NOD1: variants seen among roughly 807,000 people sequenced by gnomAD.
NOD1 encodes the protein nucleotide-binding oligomerization domain-containing protein 1.
In NOD1, 70 loss-of-function variants were observed where a neutral mutation model predicts 81.2. That is an observed-to-expected ratio of 0.86 (90% CI 0.71 to 1.05). The LOEUF is 1.05. Among genes scored for constraint, NOD1 ranks in the 50% least tolerant of loss-of-function variants. NOD1 has a pLI of 0.00. For missense variants in NOD1, 1,233 were observed against 1,228.0 expected, an observed-to-expected ratio of 1.00 and a Z score of -0.06; for synonymous variants, 508 against 526.9, an observed-to-expected ratio of 0.96 and a Z score of 0.49.
In NOD1 at chr7:30,424,801, C is replaced by G. The variant is rs1219483382; in HGVS notation, c.*837G>C. 2.6e-5 allele frequency: 4 copies of G among 152,438 alleles called. No individual in the cohort carries two copies. The South Asian group carries it at 6.2e-4, about 24-fold the overall frequency. The allele number at this position is 152,438 out of a possible 1,614,324, so 9.4% of individuals were successfully genotyped here. A position where few individuals can be genotyped will look rare whatever the true frequency, so the allele number is the denominator to read the frequency against. On this transcript the variant is annotated 3_prime_UTR_variant, in exon 14 of 14. Coordinates refer to ENST00000222823, the MANE Select transcript of NOD1 (RefSeq NM_006092.4). The stretch of plus-strand genomic sequence containing the variant: ...TGGATGCCAGGGCCACAGGGGCAAG[C>G]CATGCCCTATTTCTTTGGAGGGACA...
Position 30,456,758 on chromosome 7 carries a change from G to A in NOD1, c.164C>T (p.Ala55Val), listed in dbSNP as rs6947097. 1.2e-4 allele frequency: 193 copies of A among 1,614,120 alleles called. No homozygotes were observed. The highest frequency in any genetic ancestry group is 9.2e-4 in the African/African-American group (69 of 75,044). The part of the protein sequence containing the change: ...LKNDYFSAED[A>V]EIVCACPTQP... ...GGTGGGGCAGGCACACACAATCTCCGCATCTTCGGCCGAGAAGTAGTCATT... is the reference window on the plus strand; with the variant it reads ...GGTGGGGCAGGCACACACAATCTCCACATCTTCGGCCGAGAAGTAGTCATT... Residue 55 changes from alanine to valine, a missense_variant, in exon 4 of 14, where the codon GCG becomes GTG. Physicochemically the swap from Ala to Val is moderately conservative, Grantham distance 64 (BLOSUM62 0). Transcript: ENST00000222823.
chr7:30,448,359 CAG>C lies in NOD1; in HGVS notation c.2222_2223del (p.Thr741ArgfsTer41). The C allele has an allele frequency of 6.2e-7, 1 of 1,614,190 alleles. No individual in the cohort carries two copies. Among genetic ancestry groups the C allele is most frequent in the Non-Finnish European group, 8.5e-7 (1 of 1,180,016 alleles). On this transcript the variant is annotated frameshift_variant, in exon 7 of 14. Coordinates refer to ENST00000222823, the MANE Select transcript of NOD1 (RefSeq NM_006092.4). LOFTEE classifies it high-confidence loss of function. Reference sequence around the variant, plus strand: ...TCGCTTAGCACCTTTACCCCACCGTCAGTGATCTGGTTTACGCTGAGTCTGAA... The same window carrying C: ...TCGCTTAGCACCTTTACCCCACCGTCTGATCTGGTTTACGCTGAGTCTGAA... ...TVLRLSVNQI[T>X]DGGVKVLSEE...
At chr7:30,437,811 A>G (rs1784513413) in intron 9 of NOD1, among the ~76,000 whole-genome samples, 155 bp from the exon 10 acceptor site, 1 of 152,154 alleles carries the variant, frequency 6.6e-6, no homozygotes, top group Admixed American at 6.5e-5. Flanking sequence ...AATTCCTCAC[A>G]CTGGTCTCTG....
intron 1 of NOD1, among the ~76,000 whole-genome samples, chr7:30,470,302 G>A (rs899896400): frequency 6.6e-6 from 1 of 152,214 alleles, no homozygotes; most frequent in African/African-American, 2.4e-5. Context: ...AGCACCGGCC[G>A]TGACCTACAA....
At position 30,439,415 on chromosome 7, in the gene NOD1, G is replaced by T. The variant is rs930840437; in HGVS notation, c.2454-1759C>A. On this transcript the variant is annotated intron_variant, in intron 9 of 13. Coordinates refer to ENST00000222823, the MANE Select transcript of NOD1 (RefSeq NM_006092.4). ...TGTGTGCGCGCACCGTGCGCGAGCC[G>T]AAGCAGGGCGAGGCATTGCCTCACC... Among the ~76,000 whole-genome samples, 16 of 141,056 alleles carry T rather than the reference G, an allele frequency of 1.1e-4. 2 individuals are homozygous for T. Among genetic ancestry groups the T allele is most frequent in the Non-Finnish European group, 1.6e-4 (11 of 66,928 alleles). The allele number at this position is 141,056 out of a possible 152,430, so 92.5% of individuals were successfully genotyped here. A position where few individuals can be genotyped will look rare whatever the true frequency, so the allele number is the denominator to read the frequency against.
chr7:30,448,156 A>G, intron 7 of NOD1, 142 bp downstream of exon 7: 1 of 687,014 alleles, frequency 1.5e-6, no homozygotes, highest in Non-Finnish European at 2.6e-6. Flanking sequence ...AAGAGAACCC[A>G]GGACTCTCAA....
chr7:30,477,119 C>A (rs983355366), intron 1 of NOD1, among the ~76,000 whole-genome samples: 104 of 152,336 alleles, frequency 6.8e-4, no homozygotes, highest in African/African-American at 2.5e-3. Flanking sequence ...ATAGAAGTGA[C>A]AGAATCCGAG....
chr7:30,435,994 T>C lies in NOD1; in HGVS notation c.2621+4A>G, dbSNP rs1490172544. ...CAAACAAATGAAATGACTCGAGCTA[T>C]TACCACAGTATTTCTAGAGACGTGT... On this transcript the variant is annotated splice_donor_region_variant and intron_variant, in intron 11 of 13. Coordinates refer to ENST00000222823, the MANE Select transcript of NOD1 (RefSeq NM_006092.4). 1.9e-6 allele frequency: 3 copies of C among 1,610,292 alleles called. No homozygotes were observed. The South Asian group carries it at 3.3e-5, about 18-fold the overall frequency.
intron 6 of NOD1, 107 bp from the exon 7 acceptor site, chr7:30,448,488 G>A (rs1785350660): frequency 2.2e-6 from 2 of 929,920 alleles, no homozygotes; most frequent in Non-Finnish European, 3.5e-6. Flanking sequence ...GTTTTCTCAG[G>A]TATAGACGCC....
At chr7:30,437,446 C>G in intron 10 of NOD1, 127 bp downstream of exon 10, 1 of 537,850 alleles carries the variant, frequency 1.9e-6, no homozygotes, top group Non-Finnish European at 3.1e-6. Context: ...AAAGGTTTGA[C>G]AAGAGTAAGG....
rs1785716169 is a variant in NOD1 at position 30,451,597 on chromosome 7, A to G, written c.1820T>C (p.Leu607Pro). ...TCTCCTCAGGGCTGCCGCGGGCACCAGATGCCGCAGGAGTTTCTGTTTGGC... is the reference window on the plus strand; with the variant it reads ...TCTCCTCAGGGCTGCCGCGGGCACCGGATGCCGCAGGAGTTTCTGTTTGGC... Reference protein sequence around the residue: ...SKAKQKLLRHLVPAAALRRKR... With the variant: ...SKAKQKLLRHPVPAAALRRKR... Residue 607 changes from leucine (L) to proline (P), a missense_variant, in exon 6 of 14, where the codon CTG becomes CCG. Leu to Pro is a moderately conservative substitution (Grantham distance 98). Coordinates refer to ENST00000222823, the MANE Select transcript of NOD1 (RefSeq NM_006092.4). This position sits in a 1 kb window ranked among gnomAD's most constrained non-coding sequence, Gnocchi z 4.2. The G allele has an allele frequency of 6.2e-7, 1 of 1,613,820 alleles. No homozygotes were observed. The highest frequency in any genetic ancestry group is 1.3e-5 in the African/African-American group (1 of 75,072).
At chr7:30,428,600 C>T (rs5743368) in intron 13 of NOD1, 35,431 of 152,028 alleles carry the variant, frequency 0.23, 5,638 homozygotes, top group African/African-American at 0.46. Context: ...TGACAAGTTC[C>T]AAACAAGTTC....
Position 30,451,186 on chromosome 7 carries a change from C to T in NOD1, c.2201+30G>A, listed in dbSNP as rs746534248. The T allele has an allele frequency of 6.2e-7, 1 of 1,601,644 alleles. No homozygotes were observed. Among genetic ancestry groups the T allele is most frequent in the Non-Finnish European group, 8.5e-7 (1 of 1,172,672 alleles). ...CTCCGAGCCTGGCCCGCCCGGCCCA[C>T]CTGTTGCTCCCCTTGCCTGGCAGCC... On this transcript the variant is annotated intron_variant, in intron 6 of 13. Transcript: ENST00000222823. The surrounding 1 kb of genome is among the most constrained non-coding windows in gnomAD (Gnocchi z 4.2).
chr7:30,438,417 C>T (rs1784572580), intron 9 of NOD1, among the ~76,000 whole-genome samples: 3 of 152,310 alleles, frequency 2.0e-5, no homozygotes, highest in East Asian at 1.9e-4. Flanking sequence ...TAGAGCATTC[C>T]GTCATGGAGT....
At chr7:30,461,575 G>A (rs937381864) in intron 1 of NOD1, among the ~76,000 whole-genome samples, 1 of 152,216 alleles carries the variant, frequency 6.6e-6, no homozygotes, top group African/African-American at 2.4e-5. Flanking sequence ...ATCTCAGTTT[G>A]GATCAACCAC....
At chr7:30,446,488 T>G (rs923964157) in intron 8 of NOD1, 31 of 501,878 alleles carry the variant, frequency 6.2e-5, no homozygotes, top group African/African-American at 4.8e-4. Context: ...GGTCCTCTAA[T>G]TGACCTCAGC....
intron 10 of NOD1, among the ~76,000 whole-genome samples, chr7:30,436,660 A>T (rs1784406890): frequency 6.6e-6 from 1 of 152,212 alleles, no homozygotes; most frequent in Non-Finnish European, 1.5e-5. Context: ...CCAGCATCTT[A>T]TTAAGTTTCA....
At chr7:30,437,534 G>A in intron 10 of NOD1, 39 bp downstream of exon 10, 1 of 1,350,554 alleles carries the variant, frequency 7.4e-7, no homozygotes, top group Non-Finnish European at 9.9e-7. Context: ...AGCTGGGAGG[G>A]ACCAGGTTGG....
At chr7:30,464,948 T>C (rs907838767) in intron 1 of NOD1, among the ~76,000 whole-genome samples, 12 of 152,302 alleles carry the variant, frequency 7.9e-5, no homozygotes, top group Non-Finnish European at 1.5e-4. Context: ...CCAGGGGTCA[T>C]TGTTACCGCC....
Sources: allele counts gnomAD v4.1 joint callset (sites outside exome capture counted in the v4.1 genomes callset), GRCh38; gene constraint gnomAD v4.1.1; non-coding constraint Gnocchi (gnomAD v3.1); transcripts MANE v1.5; gene names NCBI Gene and HGNC (gene_info 2026-07-23, HGNC 2026-07-21).